TBC1D9B: variants seen among roughly 807,000 people sequenced by gnomAD.
TBC1D9B encodes the protein TBC1 domain family member 9B, also known as TBC1 domain family, member 9B (with GRAM domain).
In TBC1D9B, 87 loss-of-function variants were observed where a neutral mutation model predicts 121.1. That is an observed-to-expected ratio of 0.72 (90% CI 0.60 to 0.86). The LOEUF is 0.86. TBC1D9B is among the 40% of genes least tolerant of loss of function. The pLI is 0.00. For synonymous variants in TBC1D9B, 668 were observed against 670.1 expected, an observed-to-expected ratio of 1.00 and a Z score of 0.05; for missense variants, 1,540 against 1,628.6, an observed-to-expected ratio of 0.95 and a Z score of 0.94.
intron 17 of TBC1D9B, chr5:179,869,321 C>T (rs893998752): frequency 1.1e-5 from 4 of 352,078 alleles, no homozygotes; most frequent in Non-Finnish European, 2.2e-5. Context: ...CAGTGCAGCC[C>T]CACTAGGCTA....
chr5:179,877,656 TTC>T (rs1165835443), intron 10 of TBC1D9B, among the ~76,000 whole-genome samples: 1 of 139,864 alleles, frequency 7.1e-6, no homozygotes, highest in East Asian at 2.0e-4. Flanking sequence ...AAGAGTGAGA[TTC>T]TATCTCAAAA....
rs370801764 is a variant in TBC1D9B at position 179,893,519 on chromosome 5, C to T, written c.578-52G>A. ...CAAGTTAGGGCCTGGCAGGGCGAGG[C>T]TCCTGATGCCCATCTGTACCCCAGA... On this transcript the variant is annotated intron_variant, in intron 4 of 20. Transcript: ENST00000355235. The T allele has an allele frequency of 1.9e-6, 3 of 1,548,406 alleles. No homozygotes were observed. In the African/African-American group the frequency reaches 4.1e-5, roughly 21 times the overall value.
intron 10 of TBC1D9B, 100 bp downstream of exon 10, chr5:179,878,209 C>T (rs1582084868): frequency 1.3e-5 from 16 of 1,279,440 alleles, no homozygotes; most frequent in Admixed American, 2.4e-5. Context: ...TTCCTTGGGA[C>T]ACAAGGCAGG....
At chr5:179,900,486 G>GCCTC (rs1761136358) in intron 2 of TBC1D9B, among the ~76,000 whole-genome samples, 1 of 152,142 alleles carries the variant, frequency 6.6e-6, no homozygotes, top group Admixed American at 6.5e-5. Flanking sequence ...CATGAAGACA[G>GCCTC]CCTCAGCCAA....
chr5:179,867,288 G>A (rs1433514157), intron 18 of TBC1D9B: 4 of 804,182 alleles, frequency 5.0e-6, no homozygotes, highest in African/African-American at 3.5e-5. Flanking sequence ...CGGAGGCGGT[G>A]CAGAGGAGTG....
chr5:179,872,714 T>G, intron 14 of TBC1D9B, 178 bp downstream of exon 14: 1 of 616,462 alleles, frequency 1.6e-6, no homozygotes. Context: ...GACTGGAACC[T>G]CTCCCCACAT....
intron 5 of TBC1D9B, 39 bp downstream of exon 5, chr5:179,893,170 G>A (rs1326926898): frequency 1.9e-6 from 3 of 1,561,790 alleles, no homozygotes; most frequent in South Asian, 2.3e-5. Context: ...AGCGAACCTG[G>A]CTCACATGAG....
intron 20 of TBC1D9B, among the ~76,000 whole-genome samples, chr5:179,864,435 ACT>A (rs1174611861): frequency 2.0e-5 from 3 of 151,992 alleles, no homozygotes; most frequent in African/African-American, 7.3e-5. Context: ...TTCTACCACG[ACT>A]CTAAATCCAG....
intron 3 of TBC1D9B, among the ~76,000 whole-genome samples, chr5:179,895,108 G>C (rs1291704768): frequency 6.6e-6 from 1 of 152,130 alleles, no homozygotes; most frequent in African/African-American, 2.4e-5. Context: ...TGATCCGCCC[G>C]CCTCAGCCTC....
rs369089602 is a variant in TBC1D9B, at chr5:179,894,451, C to A, written c.512G>T (p.Arg171Leu). 6.2e-7 allele frequency: 1 copy of A among 1,614,088 alleles called. No homozygotes were observed. Among genetic ancestry groups the A allele is most frequent in the Non-Finnish European group, 8.5e-7 (1 of 1,179,976 alleles). ...SCSYWKGRVP[R>L]QGWLYLTVNH... ...GACCGTCAGGTACAGCCAGCCCTGC[C>A]GGGGCACGCGGCCCTTCCAGTAGCT... The change falls in exon 4 of 21, where the codon CGG (arginine) becomes CTG (leucine). Residue 171 changes from arginine to leucine, a missense_variant. By Grantham distance (102) the Arg-to-Leu change is moderately radical. Transcript: ENST00000355235.
intron 7 of TBC1D9B, among the ~76,000 whole-genome samples, chr5:179,881,179 C>G (rs1760532425): frequency 6.6e-6 from 1 of 152,198 alleles, no homozygotes; most frequent in South Asian, 2.1e-4. Context: ...GGCTCAAGTC[C>G]CACCTTACAT....
At chr5:179,879,489 C>A in intron 8 of TBC1D9B, 139 bp downstream of exon 8, 1 of 1,352,322 alleles carries the variant, frequency 7.4e-7, no homozygotes, top group Non-Finnish European at 1.0e-6. Flanking sequence ...CTCACGCTGC[C>A]AGGGTGCAGC....
At position 179,865,157 on chromosome 5, in the gene TBC1D9B, C is replaced by CA; in HGVS notation, c.3021+96dup. The CA allele has an allele frequency of 8.5e-7, 1 of 1,180,274 alleles. No individual in the cohort carries two copies. Among genetic ancestry groups the CA allele is most frequent in the East Asian group, 2.3e-5 (1 of 42,626 alleles). 73.1% of individuals were successfully genotyped at this position (1,180,274 alleles called of 1,614,324 possible). ...AGAGGCAGGGAGGAGCCTTCCCACC[C>CA]ACCAGGAGATGCTGCAGTGCAGGTG... is the stretch of plus-strand genomic sequence containing the variant. On this transcript the variant is annotated intron_variant, in intron 20 of 20. Coordinates refer to ENST00000355235, the MANE Select transcript of TBC1D9B (RefSeq NM_015043.4). The surrounding 1 kb of genome is among the most constrained non-coding windows in gnomAD (Gnocchi z 5.1).
chr5:179,869,938 C>A, intron 16 of TBC1D9B, 104 bp from the exon 17 acceptor site: 1 of 1,181,158 alleles, frequency 8.5e-7, no homozygotes. Flanking sequence ...GCCCAACTCC[C>A]TCCTGGAGAG....
rs1761203169 is a variant in TBC1D9B at position 179,902,956 on chromosome 5, T to G, written c.229+1746A>C. Among the ~76,000 whole-genome samples, 1 of 152,194 alleles carries G rather than the reference T, an allele frequency of 6.6e-6. No individual in the cohort carries two copies. The highest frequency in any genetic ancestry group is 6.5e-5 in the Admixed American group (1 of 15,292). On this transcript the variant is annotated intron_variant, in intron 2 of 20. Transcript: ENST00000355235. This position sits in a 1 kb window ranked among gnomAD's most constrained non-coding sequence, Gnocchi z 4.9. Reference sequence around the variant, plus strand: ...AGGAGAAGGGCACTGCTGGTCAGGATGCCCGTGCAGAGCGCCCACCTGGGA... The same window carrying G: ...AGGAGAAGGGCACTGCTGGTCAGGAGGCCCGTGCAGAGCGCCCACCTGGGA...
At chr5:179,864,163 G>T in intron 20 of TBC1D9B, 35 bp from the exon 21 acceptor site, 1 of 1,556,224 alleles carries the variant, frequency 6.4e-7, no homozygotes, top group Non-Finnish European at 8.7e-7. Flanking sequence ...CAGGGAGATG[G>T]TAAAAGACCA....
At chr5:179,905,438 C>T (rs1761284899) in intron 1 of TBC1D9B, among the ~76,000 whole-genome samples, 2 of 151,804 alleles carry the variant, frequency 1.3e-5, no homozygotes, top group South Asian at 2.1e-4. Flanking sequence ...TTCTTTTAGC[C>T]TCAAAAAATC....
chr5:179,864,433 C>T (rs1265857273), intron 20 of TBC1D9B, among the ~76,000 whole-genome samples: 3 of 152,202 alleles, frequency 2.0e-5, no homozygotes, highest in African/African-American at 4.8e-5. Flanking sequence ...ATTTCTACCA[C>T]GACTCTAAAT....
Position 179,891,619 on chromosome 5 carries a change from G to T in TBC1D9B, c.837-33C>A. 2 of 1,606,588 alleles carry T rather than the reference G, an allele frequency of 1.2e-6. No homozygotes were observed. The highest frequency in any genetic ancestry group is 1.7e-6 in the Non-Finnish European group (2 of 1,177,848). On this transcript the variant is annotated intron_variant, in intron 5 of 20. Transcript: ENST00000355235. The surrounding 1 kb of genome is among the most constrained non-coding windows in gnomAD (Gnocchi z 4.3). ...AACAAGGTAGGAGGACAGGAGGAAA[G>T]GGGACAAGGTCAGGACCAGCACACT...
Sources: allele counts gnomAD v4.1 joint callset (sites outside exome capture counted in the v4.1 genomes callset), GRCh38; gene constraint gnomAD v4.1.1; non-coding constraint Gnocchi (gnomAD v3.1); transcripts MANE v1.5; gene names NCBI Gene and HGNC (gene_info 2026-07-23, HGNC 2026-07-21).